THSD7B: variants seen among roughly 807,000 people sequenced by gnomAD.
The protein encoded by THSD7B is thrombospondin type-1 domain-containing protein 7B.
THSD7B carries 138 observed loss-of-function variants against 213.6 expected under a neutral mutation model. The observed-to-expected ratio is 0.65, with a 90% confidence interval of 0.56 to 0.74. The LOEUF is 0.74. THSD7B is among the 30% of genes least tolerant of loss of function. The pLI is 0.00. For missense variants in THSD7B, 1,931 were observed against 1,991.5 expected (o/e 0.97, Z 0.58); for synonymous variants, 742 against 687.0 (o/e 1.08, Z -1.25).
chr2:137,205,632 CT>C (rs1367108532), intron 7 of THSD7B, among the ~76,000 whole-genome samples: 10 of 152,140 alleles, frequency 6.6e-5, no homozygotes, highest in African/African-American at 2.2e-4. Flanking sequence ...TTGAACGTCA[CT>C]TTCCACTTTG....
At chr2:137,288,027 G>A (rs1224287821) in intron 12 of THSD7B, among the ~76,000 whole-genome samples, 1 of 152,072 alleles carries the variant, frequency 6.6e-6, no homozygotes, top group East Asian at 1.9e-4. Flanking sequence ...AGATTCCTAA[G>A]GTCAGGGTAT....
Position 137,084,242 on chromosome 2 carries a change from TC to T in THSD7B, c.951-10630del, listed in dbSNP as rs368430273. ...AGCTATGTCTGCTGTATTGGGGAAATCTACTTACATGACAGTGAAATAATAA... is the reference window on the plus strand; with the variant it reads ...AGCTATGTCTGCTGTATTGGGGAAATTACTTACATGACAGTGAAATAATAA... On this transcript the variant is annotated intron_variant, in intron 3 of 27. Transcript: ENST00000409968. 2.6e-4 allele frequency among the ~76,000 whole-genome samples: 40 copies of T among 152,222 alleles called. No homozygotes were observed. In the East Asian group the frequency reaches 5.4e-3, roughly 21 times the overall value.
At chr2:137,290,320 A>C (rs1467351786) in intron 12 of THSD7B, among the ~76,000 whole-genome samples, 1 of 151,906 alleles carries the variant, frequency 6.6e-6, no homozygotes, top group Non-Finnish European at 1.5e-5. Flanking sequence ...CGATCTCCTG[A>C]CCTCGTGATC....
At chr2:137,654,132 C>A (rs1683189044) in intron 21 of THSD7B, among the ~76,000 whole-genome samples, 1 of 152,050 alleles carries the variant, frequency 6.6e-6, no homozygotes, top group Non-Finnish European at 1.5e-5. Flanking sequence ...TAAGTTCTGG[C>A]CTTCTTTTTA....
intron 2 of THSD7B, among the ~76,000 whole-genome samples, chr2:136,882,901 C>G (rs1483976631): frequency 6.6e-6 from 1 of 152,144 alleles, no homozygotes. Flanking sequence ...TGGAATATAA[C>G]TTATGTTCAT....
At chr2:137,599,972 T>C (rs1486219705) in intron 17 of THSD7B, among the ~76,000 whole-genome samples, 1 of 152,096 alleles carries the variant, frequency 6.6e-6, no homozygotes, top group Admixed American at 6.6e-5. Flanking sequence ...GCGTGACAAT[T>C]TTCCAATGCC....
intron 14 of THSD7B, among the ~76,000 whole-genome samples, chr2:137,443,325 G>T (rs1251542753): frequency 6.6e-6 from 1 of 152,032 alleles, no homozygotes; most frequent in Non-Finnish European, 1.5e-5. Flanking sequence ...TGTGGCAAGT[G>T]AACCAAGTCA....
chr2:137,397,464 C>A (rs1210858787), intron 12 of THSD7B, among the ~76,000 whole-genome samples: 2 of 151,864 alleles, frequency 1.3e-5, no homozygotes, highest in Non-Finnish European at 2.9e-5. Flanking sequence ...GTTGAAAATT[C>A]TTTTCTTTAA....
intron 12 of THSD7B, among the ~76,000 whole-genome samples, chr2:137,404,460 TATATATATATATATACACACAC>T (rs1443227192): frequency 3.9e-5 from 4 of 102,320 alleles, no homozygotes; most frequent in African/African-American, 7.9e-5. Flanking sequence ...TATATATATA[TATATATATATATATACACACAC>T]ACACACACAC....
intron 12 of THSD7B, among the ~76,000 whole-genome samples, chr2:137,315,853 C>T (rs891295796): frequency 1.3e-5 from 2 of 152,186 alleles, no homozygotes; most frequent in Admixed American, 6.5e-5. Context: ...TGCCATTTTA[C>T]TGATTCATGT....
intron 12 of THSD7B, among the ~76,000 whole-genome samples, chr2:137,359,673 G>A (rs1685210477): frequency 6.6e-6 from 1 of 152,132 alleles, no homozygotes; most frequent in African/African-American, 2.4e-5. Context: ...TTGGACACTT[G>A]CTAGAACATT....
intron 2 of THSD7B, among the ~76,000 whole-genome samples, chr2:136,897,552 C>G (rs1683981695): frequency 6.6e-6 from 1 of 152,050 alleles, no homozygotes; most frequent in Admixed American, 6.6e-5. Context: ...AAAGAGTGAG[C>G]AGTAGCAAGA....
intron 17 of THSD7B, among the ~76,000 whole-genome samples, chr2:137,585,933 G>A (rs532447928): frequency 2.8e-4 from 42 of 152,230 alleles, no homozygotes; most frequent in African/African-American, 8.9e-4. Flanking sequence ...GTTGACAGTG[G>A]GATGTTAAAG....
chr2:137,162,237 C>A (rs1280082674), intron 6 of THSD7B, among the ~76,000 whole-genome samples: 1 of 152,200 alleles, frequency 6.6e-6, no homozygotes, highest in African/African-American at 2.4e-5. Context: ...ACATTTCTCT[C>A]TCTCTCCATC....
intron 12 of THSD7B, among the ~76,000 whole-genome samples, chr2:137,336,828 G>A (rs1016257772): frequency 6.6e-6 from 1 of 151,968 alleles, no homozygotes; most frequent in Admixed American, 6.6e-5. Context: ...TCAAAAATAA[G>A]CATTTAAATG....
chr2:137,618,558 A>T, intron 19 of THSD7B, 51 bp downstream of exon 19: 1 of 1,519,140 alleles, frequency 6.6e-7, no homozygotes, highest in Non-Finnish European at 9.0e-7. Context: ...TTTTCTTAAT[A>T]TTGGTCTGCA....
chr2:137,657,028 G>T, intron 23 of THSD7B, 37 bp from the exon 24 acceptor site: 2 of 1,613,228 alleles, frequency 1.2e-6, no homozygotes, highest in Non-Finnish European at 1.7e-6. Flanking sequence ...TTCTAAGTGA[G>T]GTGTAATAGA....
At chr2:137,164,197 A>G (rs1680074934) in intron 6 of THSD7B, among the ~76,000 whole-genome samples, 2 of 152,150 alleles carry the variant, frequency 1.3e-5, no homozygotes, top group Non-Finnish European at 1.5e-5. Flanking sequence ...GTAGCTTAAG[A>G]GCACTAGATA....
chr2:137,171,035 A>G lies in THSD7B; in HGVS notation c.1723+97A>G, dbSNP rs140319924. ...ATAGATCATTCTCATGAGGAAGAGA[A>G]GCACAGCCTTTCTTATCCTTGAATA... On this transcript the variant is annotated intron_variant, in intron 7 of 27. Transcript: ENST00000409968. 198 of 1,276,834 alleles carry G rather than the reference A, an allele frequency of 1.6e-4. No homozygotes were observed. In the East Asian group the frequency reaches 4.8e-3, roughly 31 times the overall value. 79.1% of individuals were successfully genotyped at this position (1,276,834 alleles called of 1,614,324 possible). A position where few individuals can be genotyped will look rare whatever the true frequency, so the allele number is the denominator to read the frequency against.
Sources: allele counts gnomAD v4.1 joint callset (sites outside exome capture counted in the v4.1 genomes callset), GRCh38; gene constraint gnomAD v4.1.1; transcripts MANE v1.5; gene names NCBI Gene and HGNC (gene_info 2026-07-23, HGNC 2026-07-21).